The following ILRUN variants were observed in gnomAD, a reference collection of about 807,000 sequenced individuals.
ILRUN encodes inflammation and lipid regulator with UBA-like and NBR1-like domains.
Under a neutral mutation model 33.8 loss-of-function variants are expected in ILRUN, and 3 were observed. The observed-to-expected ratio is 0.09, with a 90% CI of 0.04 to 0.23. ILRUN has a LOEUF of 0.23. Ranked by LOEUF, ILRUN falls within the 10% of genes least tolerant of loss-of-function variation. The pLI is 1.00. For missense variants in ILRUN, 210 were observed against 375.1 expected (o/e 0.56, Z 3.64); for synonymous variants, 124 against 138.9 (o/e 0.89, Z 0.75).
intron 3 of ILRUN, among the ~76,000 whole-genome samples, chr6:34,629,309 G>T (rs12111029): frequency 0.03 from 4,599 of 152,192 alleles, 182 homozygotes; most frequent in African/African-American, 0.088. Flanking sequence ...ATTATTCCAT[G>T]ATATCTAGGT....
intron 1 of ILRUN, among the ~76,000 whole-genome samples, chr6:34,684,655 T>C (rs1328132509): frequency 6.6e-6 from 1 of 151,588 alleles, no homozygotes; most frequent in African/African-American, 2.4e-5. Flanking sequence ...CAAAGAAGAG[T>C]ACACTGCTAA....
chr6:34,634,705 C>T (rs992986845), intron 3 of ILRUN, among the ~76,000 whole-genome samples: 7 of 152,206 alleles, frequency 4.6e-5, no homozygotes, highest in Non-Finnish European at 1.0e-4. Context: ...AAAGGACCAA[C>T]TCCTTGAAAT....
chr6:34,642,327 C>T (rs1356914157), intron 3 of ILRUN, among the ~76,000 whole-genome samples: 3 of 152,156 alleles, frequency 2.0e-5, no homozygotes, highest in Non-Finnish European at 4.4e-5. Flanking sequence ...ACAGCTGAAT[C>T]TCAACCGATT....
chr6:34,633,308 G>C (rs922413537), intron 3 of ILRUN, among the ~76,000 whole-genome samples: 1 of 152,154 alleles, frequency 6.6e-6, no homozygotes, highest in Non-Finnish European at 1.5e-5. Context: ...GAGAAAAAAA[G>C]TAACAACACA....
chr6:34,603,373 G>A (rs932893666), intron 4 of ILRUN, among the ~76,000 whole-genome samples: 1 of 152,026 alleles, frequency 6.6e-6, no homozygotes, highest in Non-Finnish European at 1.5e-5. Context: ...ATTTACTCAC[G>A]CCTGTAATCC....
rs868524093 is a variant in ILRUN, at chr6:34,628,906, A to G, written c.511+17695T>C. On this transcript the variant is annotated intron_variant, in intron 3 of 4. Transcript: ENST00000374023. ...CAAGACAGGAAGACTGCTTGACCCA[A>G]GAGTTCAAGACCAGCCTGGACAATA... Among the ~76,000 whole-genome samples the G allele has an allele frequency of 2.0e-5, 3 of 152,044 alleles. No individual in the cohort carries two copies. In the East Asian group the frequency reaches 5.9e-4, roughly 30 times the overall value.
intron 3 of ILRUN, among the ~76,000 whole-genome samples, chr6:34,641,499 GGTCATCCCA>G (rs1383856101): frequency 5.9e-5 from 9 of 152,110 alleles, no homozygotes; most frequent in African/African-American, 2.2e-4. Context: ...GAGCTCCAGC[GGTCATCCCA>G]GACACACAAG....
intron 1 of ILRUN, among the ~76,000 whole-genome samples, chr6:34,681,272 A>G (rs1247523028): frequency 1.3e-5 from 2 of 152,156 alleles, no homozygotes; most frequent in Admixed American, 6.5e-5. Context: ...AAAAAAGCAC[A>G]ACTATTCATT....
At chr6:34,653,364 G>C (rs1351506502) in intron 2 of ILRUN, among the ~76,000 whole-genome samples, 4 of 151,814 alleles carry the variant, frequency 2.6e-5, no homozygotes, top group African/African-American at 9.7e-5. Flanking sequence ...CCAAGTAGCT[G>C]GGATTAAAGG....
chr6:34,624,348 A>C (rs1178662092), intron 3 of ILRUN, among the ~76,000 whole-genome samples: 2 of 151,484 alleles, frequency 1.3e-5, no homozygotes, highest in Admixed American at 6.6e-5. Context: ...TTTTTGATGA[A>C]GTTTCACTCT....
rs532867056 is a variant in ILRUN at position 34,612,926 on chromosome 6, C to T, written c.512-6022G>A. On this transcript the variant is annotated intron_variant, in intron 3 of 4. Transcript: ENST00000374023. ...GGCATGGTGGTGGGCACCTGTAGTC[C>T]CAGCTACTCAGGAGGCTGAGGCAGG... Among the ~76,000 whole-genome samples, 4 of 152,208 alleles carry T rather than the reference C, an allele frequency of 2.6e-5. No homozygotes were observed. The East Asian group carries it at 7.7e-4, about 29-fold the overall frequency.
At chr6:34,679,815 A>G (rs1322598714) in intron 1 of ILRUN, among the ~76,000 whole-genome samples, 1 of 152,220 alleles carries the variant, frequency 6.6e-6, no homozygotes, top group Non-Finnish European at 1.5e-5. Context: ...AGATTTGGAG[A>G]CACACAAGGA....
At chr6:34,593,743 T>C (rs1761341202) in intron 4 of ILRUN, among the ~76,000 whole-genome samples, 1 of 152,150 alleles carries the variant, frequency 6.6e-6, no homozygotes, top group African/African-American at 2.4e-5. Flanking sequence ...TTACCATCAC[T>C]TCAAGGAAGA....
chr6:34,675,804 C>G (rs749456157), intron 1 of ILRUN, among the ~76,000 whole-genome samples: 4 of 151,986 alleles, frequency 2.6e-5, no homozygotes, highest in Admixed American at 2.6e-4. Flanking sequence ...GGAAAATACA[C>G]AAGTTATAGA....
In ILRUN at chr6:34,614,443, A is replaced by AAAT. The variant is rs71000073; in HGVS notation, c.512-7540_512-7539insATT. ...TCTCAAAAAATAATAAAAAAAAAAA[A>AAAT]ATATATATATATAAAATGTATATTA... On this transcript the variant is annotated intron_variant, in intron 3 of 4. Coordinates refer to ENST00000374023, the MANE Select transcript of ILRUN (RefSeq NM_024294.4). 4.1e-3 allele frequency among the ~76,000 whole-genome samples: 554 copies of AAAT among 133,564 alleles called. 7 individuals are homozygous for AAAT. Among genetic ancestry groups the AAAT allele is most frequent in the African/African-American group, 0.015 (473 of 32,476 alleles). 87.6% of individuals were successfully genotyped at this position (133,564 alleles called of 152,430 possible).
intron 1 of ILRUN, chr6:34,686,580 T>C (rs1306456600): frequency 4.8e-6 from 1 of 208,200 alleles, no homozygotes; most frequent in Non-Finnish European, 1.0e-5. Flanking sequence ...CTTTTTGCGC[T>C]GACAGTGCTC....
intron 1 of ILRUN, among the ~76,000 whole-genome samples, chr6:34,672,708 CAA>C (rs1763142085): frequency 6.6e-6 from 1 of 151,734 alleles, no homozygotes; most frequent in Non-Finnish European, 1.5e-5. Context: ...AACATTTTGT[CAA>C]AAGGTAAAAA....
Position 34,588,276 on chromosome 6 carries a change from C to T in ILRUN, c.*2289G>A, listed in dbSNP as rs1345604064. Reference sequence around the variant, plus strand: ...ACATTTAACTTGCCAAGTGTGGTTGCCTAGAAGCAAGAGGAAGAGCAAGAC... The same window carrying T: ...ACATTTAACTTGCCAAGTGTGGTTGTCTAGAAGCAAGAGGAAGAGCAAGAC... On this transcript the variant is annotated 3_prime_UTR_variant, in exon 5 of 5. Transcript: ENST00000374023. 1 of 398,514 alleles carries T rather than the reference C, an allele frequency of 2.5e-6. No individual in the cohort carries two copies. Among genetic ancestry groups the T allele is most frequent in the Non-Finnish European group, 4.4e-6 (1 of 226,102 alleles). 24.7% of individuals were successfully genotyped at this position (398,514 alleles called of 1,614,324 possible). A position where few individuals can be genotyped will look rare whatever the true frequency, so the allele number is the denominator to read the frequency against.
intron 3 of ILRUN, among the ~76,000 whole-genome samples, chr6:34,626,786 C>A (rs1209647283): frequency 6.6e-6 from 1 of 152,084 alleles, no homozygotes; most frequent in Non-Finnish European, 1.5e-5. Flanking sequence ...GTGGGCGGAT[C>A]ACGAGGTCAG....
Sources: allele counts gnomAD v4.1 joint callset (sites outside exome capture counted in the v4.1 genomes callset), GRCh38; gene constraint gnomAD v4.1.1; transcripts MANE v1.5; gene names NCBI Gene and HGNC (gene_info 2026-07-23, HGNC 2026-07-21).